The following ARHGAP42 variants were observed in gnomAD, a reference collection of about 807,000 sequenced individuals.
ARHGAP42 encodes Rho GTPase activating protein 42.
Under a neutral mutation model 125.0 loss-of-function variants are expected in ARHGAP42, and 63 were observed. The ratio of observed to expected loss-of-function variants is 0.50; its 90% confidence interval spans 0.41 to 0.62. The LOEUF (loss-of-function observed/expected upper bound fraction) is 0.62, where lower values mean the gene tolerates loss of function less well. Ranked by LOEUF, ARHGAP42 falls within the 20% of genes least tolerant of loss-of-function variation. ARHGAP42 has a pLI of 0.00. For synonymous variants in ARHGAP42, 339 were observed against 351.0 expected (o/e 0.97, Z 0.38); for missense variants, 766 against 1,024.2 (o/e 0.75, Z 3.44).
At chr11:100,856,792 C>A (rs1724954045) in intron 3 of ARHGAP42, among the ~76,000 whole-genome samples, 2 of 152,034 alleles carry the variant, frequency 1.3e-5, no homozygotes, top group South Asian at 2.1e-4. Flanking sequence ...TCAATTAATT[C>A]TTTGAGGAAG....
At chr11:100,844,151 T>TA (rs1458320399) in intron 3 of ARHGAP42, among the ~76,000 whole-genome samples, 2 of 152,022 alleles carry the variant, frequency 1.3e-5, no homozygotes, top group East Asian at 3.9e-4. Context: ...GCCAAATACT[T>TA]ACAGCCAACT....
intron 2 of ARHGAP42, among the ~76,000 whole-genome samples, chr11:100,790,124 A>G (rs1863530790): frequency 6.6e-6 from 1 of 152,226 alleles, no homozygotes; most frequent in Admixed American, 6.5e-5. Context: ...GACATTAAAC[A>G]GGTCTTCCAG....
In ARHGAP42 at chr11:100,704,389, C is replaced by T. The variant is rs568062836; in HGVS notation, c.154+16557C>T. On this transcript the variant is annotated intron_variant, in intron 1 of 23. Transcript: ENST00000298815. ...AGCACAGGCCGGAAAAGGCCAGCCTCGGAGGTTAAAGAAAGAGAATGCAGA... is the reference window on the plus strand; with the variant it reads ...AGCACAGGCCGGAAAAGGCCAGCCTTGGAGGTTAAAGAAAGAGAATGCAGA... 6.6e-5 allele frequency among the ~76,000 whole-genome samples: 10 copies of T among 152,164 alleles called. No individual in the cohort carries two copies. The South Asian group carries it at 1.2e-3, about 19-fold the overall frequency.
chr11:100,874,916 G>A (rs912604312), intron 4 of ARHGAP42, among the ~76,000 whole-genome samples: 40 of 152,192 alleles, frequency 2.6e-4, no homozygotes, highest in South Asian at 6.2e-4. Context: ...CTCAAAGCAC[G>A]TATCTCAGGA....
At chr11:100,814,836 T>A (rs1591204051) in intron 3 of ARHGAP42, among the ~76,000 whole-genome samples, 1 of 152,224 alleles carries the variant, frequency 6.6e-6, no homozygotes, top group South Asian at 2.1e-4. Flanking sequence ...GGGATTACAG[T>A]TGAACATAAG....
intron 1 of ARHGAP42, among the ~76,000 whole-genome samples, chr11:100,738,221 G>A (rs1862107586): frequency 6.6e-6 from 1 of 152,150 alleles, no homozygotes; most frequent in Non-Finnish European, 1.5e-5. Flanking sequence ...CAATGCTTCA[G>A]AGGCAATTAT....
intron 19 of ARHGAP42, among the ~76,000 whole-genome samples, chr11:100,975,389 A>G (rs1858363410): frequency 6.6e-6 from 1 of 152,200 alleles, no homozygotes; most frequent in Non-Finnish European, 1.5e-5. Context: ...CTAATTTTTA[A>G]TTTAGATATA....
intron 1 of ARHGAP42, among the ~76,000 whole-genome samples, chr11:100,689,396 C>A (rs1253346243): frequency 1.3e-5 from 2 of 152,172 alleles, no homozygotes; most frequent in African/African-American, 4.8e-5. Context: ...CAAGCCAGTT[C>A]TTGTTGGAGG....
rs568894550 is a variant in ARHGAP42 at position 100,921,930 on chromosome 11, A to G, written c.597+326A>G. On this transcript the variant is annotated intron_variant, in intron 6 of 23. Transcript: ENST00000298815. ...TTGTTTCATCGACTATAACAAATGTACCACAGAAATGCAAGATGCTAATAA... is the reference window on the plus strand; with the variant it reads ...TTGTTTCATCGACTATAACAAATGTGCCACAGAAATGCAAGATGCTAATAA... 3.0e-4 allele frequency among the ~76,000 whole-genome samples: 46 copies of G among 151,722 alleles called. 1 individual carries two copies. In the South Asian group the frequency reaches 5.6e-3, roughly 19 times the overall value.
chr11:100,775,020 CT>C (rs537539725), intron 2 of ARHGAP42, among the ~76,000 whole-genome samples: 39 of 146,864 alleles, frequency 2.7e-4, no homozygotes, highest in African/African-American at 3.0e-4. Flanking sequence ...GTGTCCTGCA[CT>C]TTTTTTTTTT....
chr11:100,934,141 G>T (rs956002022), intron 7 of ARHGAP42, among the ~76,000 whole-genome samples: 1 of 152,096 alleles, frequency 6.6e-6, no homozygotes, highest in Non-Finnish European at 1.5e-5. Flanking sequence ...ATGAAGGATT[G>T]TACTTTAATA....
At chr11:100,908,448 A>T (rs1454446824) in intron 4 of ARHGAP42, among the ~76,000 whole-genome samples, 1 of 152,076 alleles carries the variant, frequency 6.6e-6, no homozygotes, top group African/African-American at 2.4e-5. Flanking sequence ...CTGTATATTC[A>T]TGTGTACCCA....
chr11:100,820,358 G>A (rs1353180535), intron 3 of ARHGAP42, among the ~76,000 whole-genome samples: 2 of 152,054 alleles, frequency 1.3e-5, no homozygotes. Flanking sequence ...TTGCCTATTT[G>A]CCAAATGATG....
intron 1 of ARHGAP42, among the ~76,000 whole-genome samples, chr11:100,710,730 A>G (rs1411431398): frequency 2.0e-5 from 3 of 148,612 alleles, no homozygotes; most frequent in Admixed American, 6.7e-5. Flanking sequence ...TAGTAAAGAC[A>G]GGGTTTCACC....
At chr11:100,870,299 C>T (rs1249030325) in intron 4 of ARHGAP42, among the ~76,000 whole-genome samples, 1 of 152,148 alleles carries the variant, frequency 6.6e-6, no homozygotes, top group East Asian at 1.9e-4. Flanking sequence ...CTGCTTGAAA[C>T]GTCTCCATAG....
At chr11:100,745,493 GAAGT>G (rs1186325104) in intron 1 of ARHGAP42, among the ~76,000 whole-genome samples, 1 of 152,162 alleles carries the variant, frequency 6.6e-6, no homozygotes, top group African/African-American at 2.4e-5. Context: ...GGCTGTGAGG[GAAGT>G]AAGAATTGAG....
intron 3 of ARHGAP42, among the ~76,000 whole-genome samples, chr11:100,802,027 G>A (rs1274380757): frequency 6.6e-6 from 1 of 152,172 alleles, no homozygotes; most frequent in African/African-American, 2.4e-5. Context: ...GGGTTAGAAG[G>A]TGTCATTGAT....
At chr11:100,742,057 C>T (rs1862198530) in intron 1 of ARHGAP42, among the ~76,000 whole-genome samples, 1 of 152,164 alleles carries the variant, frequency 6.6e-6, no homozygotes, top group South Asian at 2.1e-4. Flanking sequence ...CCTTCCGTTT[C>T]CCCAAACTAG....
chr11:100,711,247 A>G (rs1016662354), intron 1 of ARHGAP42, among the ~76,000 whole-genome samples: 21 of 152,316 alleles, frequency 1.4e-4, no homozygotes, highest in Middle Eastern at 3.4e-3. Flanking sequence ...CTTGGGAGCC[A>G]TATTCTCTTA....
Sources: allele counts gnomAD v4.1 joint callset (sites outside exome capture counted in the v4.1 genomes callset), GRCh38; gene constraint gnomAD v4.1.1; transcripts MANE v1.5; gene names NCBI Gene and HGNC (gene_info 2026-07-23, HGNC 2026-07-21).